Variants in DAAM2 observed in about 807,000 individuals in gnomAD.
DAAM2 encodes dishevelled associated activator of morphogenesis 2, also known as disheveled-associated activator of morphogenesis 2.
DAAM2 carries 39 observed loss-of-function variants against 120.7 expected under a neutral mutation model. The ratio of observed to expected loss-of-function variants is 0.32; its 90% confidence interval spans 0.25 to 0.42. The LOEUF is 0.42. Among genes scored for constraint, DAAM2 ranks in the 10% least tolerant of loss-of-function variants. The probability of loss-of-function intolerance (pLI) is 1.00; values close to 1 mark genes in which losing one functional copy is unlikely to be tolerated. For synonymous variants in DAAM2, 488 were observed against 524.9 expected (o/e 0.93, Z 0.96); for missense variants, 1,283 against 1,401.7 (o/e 0.92, Z 1.35).
intron 1 of DAAM2, among the ~76,000 whole-genome samples, chr6:39,830,126 G>A (rs937904581): frequency 6.6e-6 from 1 of 152,216 alleles, no homozygotes; most frequent in African/African-American, 2.4e-5. Context: ...GCATCCTACA[G>A]TGCACAGTGT....
At chr6:39,815,109 G>C (rs1199029346) in intron 1 of DAAM2, among the ~76,000 whole-genome samples, 1 of 152,230 alleles carries the variant, frequency 6.6e-6, no homozygotes, top group Non-Finnish European at 1.5e-5. Flanking sequence ...TCTGCCCAAG[G>C]CTTCTGGATC....
In DAAM2 at chr6:39,879,049, T is replaced by C. The variant is rs767733002; in HGVS notation, c.1546-129T>C. 6.3e-4 allele frequency: 402 copies of C among 639,692 alleles called. 1 individual carries two copies. The highest frequency in any genetic ancestry group is 5.1e-3 in the Middle Eastern group (20 of 3,918). 39.6% of individuals were successfully genotyped at this position (639,692 alleles called of 1,614,324 possible). ...GAGAGAGAAAATGGGGCCAAATGTG[T>C]GTAGAAGATAAGGGTAGGATTTGGG... On this transcript the variant is annotated intron_variant, in intron 13 of 24. Coordinates refer to ENST00000274867, the MANE Select transcript of DAAM2 (RefSeq NM_001201427.2).
At chr6:39,896,752 A>G in intron 19 of DAAM2, 60 bp from the exon 20 acceptor site, 1 of 1,428,008 alleles carries the variant, frequency 7.0e-7, no homozygotes, top group Admixed American at 2.8e-5. Flanking sequence ...CCTGGGGTGC[A>G]ATGAGAACTG....
chr6:39,835,855 G>T (rs1010705434), intron 1 of DAAM2, among the ~76,000 whole-genome samples: 1 of 152,076 alleles, frequency 6.6e-6, no homozygotes, highest in Non-Finnish European at 1.5e-5. Flanking sequence ...GGAGGGTGGG[G>T]AACTGAGGGA....
intron 1 of DAAM2, among the ~76,000 whole-genome samples, chr6:39,803,407 A>G (rs1184626049): frequency 6.6e-6 from 1 of 152,182 alleles, no homozygotes; most frequent in Admixed American, 6.5e-5. Flanking sequence ...GAGAGTTCAC[A>G]TGTTCTAGAA....
At chr6:39,872,476 A>C (rs997459910) in intron 9 of DAAM2, among the ~76,000 whole-genome samples, 2 of 152,210 alleles carry the variant, frequency 1.3e-5, no homozygotes, top group Non-Finnish European at 2.9e-5. Flanking sequence ...CCTGCCTTCC[A>C]GCAACTTCCT....
chr6:39,845,556 C>G (rs1223352803), intron 1 of DAAM2, among the ~76,000 whole-genome samples: 2 of 151,090 alleles, frequency 1.3e-5, no homozygotes, highest in African/African-American at 4.9e-5. Context: ...ATACACCATA[C>G]CACATACACA....
chr6:39,862,939 G>A (rs1764275571), intron 3 of DAAM2: 2 of 149,528 alleles, frequency 1.3e-5, no homozygotes. Flanking sequence ...CACTTCCTCT[G>A]TCTATAACAC....
intron 19 of DAAM2, among the ~76,000 whole-genome samples, chr6:39,896,194 T>TTTTTCTC (rs1554185441): frequency 6.7e-6 from 1 of 149,008 alleles, no homozygotes; most frequent in South Asian, 2.2e-4. Flanking sequence ...CTGAATAATC[T>TTTTTCTC]TTTTTTCTTT....
chr6:39,900,326 A>T (rs572679990), intron 23 of DAAM2, 118 bp downstream of exon 23: 7 of 1,228,428 alleles, frequency 5.7e-6, no homozygotes, highest in East Asian at 5.2e-5. Flanking sequence ...GAGCTTTGAG[A>T]GAAAACCGTT....
chr6:39,891,248 C>A lies in DAAM2; in HGVS notation c.2146-93C>A, dbSNP rs1037049928. On this transcript the variant is annotated intron_variant, in intron 17 of 24. Coordinates refer to ENST00000274867, the MANE Select transcript of DAAM2 (RefSeq NM_001201427.2). ...CCTCCCTCTTTCAAGGCACCCTCCC[C>A]ATCTTGACCCAAGTCAGTACAGCTT... 7 of 960,698 alleles carry A rather than the reference C, an allele frequency of 7.3e-6. No homozygotes were observed. In the South Asian group the frequency reaches 8.9e-5, roughly 12 times the overall value. The allele number at this position is 960,698 out of a possible 1,614,324, so 59.5% of individuals were successfully genotyped here.
chr6:39,829,158 T>C (rs775653979), intron 1 of DAAM2, among the ~76,000 whole-genome samples: 3 of 152,176 alleles, frequency 2.0e-5, no homozygotes, highest in Non-Finnish European at 2.9e-5. Context: ...AACAGATAAA[T>C]CCAATTGGCA....
In DAAM2 at chr6:39,875,336, G is replaced by C. The variant is rs764351776; in HGVS notation, c.1169G>C (p.Arg390Pro). 5 of 1,613,548 alleles carry C rather than the reference G, an allele frequency of 3.1e-6. No homozygotes were observed. The Admixed American group carries it at 6.7e-5, about 22-fold the overall frequency. ...LHHCLQMPYKRNGGYFQQWQL... is the reference protein window; with the variant it reads ...LHHCLQMPYKPNGGYFQQWQL... ...GATACCTGTCATCCCTCAGACAAAC[G>C]GAACGGTGGCTACTTCCAGCAGTGG... Residue 390 changes from arginine (R) to proline (P), a missense_variant, in exon 11 of 25, where the codon CGG (arginine) becomes CCG (proline). Coordinates refer to ENST00000274867, the MANE Select transcript of DAAM2 (RefSeq NM_001201427.2).
chr6:39,832,182 C>T (rs986385225), intron 1 of DAAM2, among the ~76,000 whole-genome samples: 6 of 151,816 alleles, frequency 4.0e-5, no homozygotes, highest in Non-Finnish European at 1.5e-5. Flanking sequence ...GTAGAGGGGC[C>T]GACAGGTCAG....
intron 1 of DAAM2, among the ~76,000 whole-genome samples, chr6:39,834,711 A>G (rs1167928208): frequency 6.6e-6 from 1 of 152,204 alleles, no homozygotes; most frequent in African/African-American, 2.4e-5. Context: ...TTAACTCTAT[A>G]TAAGAGGAAG....
chr6:39,835,979 G>A (rs1763086802), intron 1 of DAAM2, among the ~76,000 whole-genome samples: 1 of 152,096 alleles, frequency 6.6e-6, no homozygotes, highest in South Asian at 2.1e-4. Context: ...AGGGTTGGGG[G>A]TGGGGTGGTA....
chr6:39,848,100 C>T (rs1174665005), intron 1 of DAAM2, among the ~76,000 whole-genome samples: 1 of 152,166 alleles, frequency 6.6e-6, no homozygotes, highest in Non-Finnish European at 1.5e-5. Flanking sequence ...CACCCCTGAG[C>T]CCCTGGCATG....
chr6:39,896,988 C>T lies in DAAM2; in HGVS notation c.2510+8C>T, dbSNP rs116568611. 3,332 of 1,599,984 alleles carry T rather than the reference C, an allele frequency of 2.1e-3. 55 individuals carry two copies. The African/African-American group carries it at 0.038, about 18-fold the overall frequency. On this transcript the variant is annotated splice_region_variant and intron_variant, in intron 20 of 24. Coordinates refer to ENST00000274867, the MANE Select transcript of DAAM2 (RefSeq NM_001201427.2). ...CAAGTCCAGCATCGACAGGTGAGGA[C>T]CTCCCTTCCCGGCCACTTCCTTGGC...
At position 39,901,427 on chromosome 6, in the gene DAAM2, G is replaced by A; in HGVS notation, c.2937G>A (p.Arg979=). Residue 979 remains arginine (R), a synonymous_variant, in exon 24 of 25, where the codon AGG becomes AGA. Coordinates refer to ENST00000274867, the MANE Select transcript of DAAM2 (RefSeq NM_001201427.2). The surrounding 1 kb of genome is among the most constrained non-coding windows in gnomAD (Gnocchi z 4.5). ...SEARQDLEAM[R]RRKEEEERRA... Reference sequence around the variant, plus strand: ...CCCGGCAGGATCTAGAGGCCATGAGGAGGAGGAAGGAGGAGGAGGAGCGGC... The same window carrying A: ...CCCGGCAGGATCTAGAGGCCATGAGAAGGAGGAAGGAGGAGGAGGAGCGGC... The A allele has an allele frequency of 6.2e-7, 1 of 1,613,032 alleles. No homozygotes were observed. The highest frequency in any genetic ancestry group is 1.1e-5 in the South Asian group (1 of 91,066).
Sources: gnomAD v4.1 joint callset for allele counts (sites outside exome capture counted in the v4.1 genomes callset) on GRCh38, gnomAD v4.1.1 for gene constraint, Gnocchi (gnomAD v3.1) non-coding constraint, MANE v1.5 for transcripts, NCBI Gene and HGNC (gene_info 2026-07-23, HGNC 2026-07-21) for gene names.